The following MYO3A variants were observed in gnomAD, a reference collection of about 807,000 sequenced individuals.
MYO3A encodes myosin IIIA.
Under a neutral mutation model 192.7 loss-of-function variants are expected in MYO3A, and 180 were observed. The ratio of observed to expected loss-of-function variants is 0.93; its 90% confidence interval spans 0.83 to 1.06. The LOEUF is 1.06. Among genes scored for constraint, MYO3A ranks in the 50% least tolerant of loss-of-function variants. The pLI is 0.00. For synonymous variants in MYO3A, 628 were observed against 645.3 expected (o/e 0.97, Z 0.41); for missense variants, 1,896 against 1,905.0 (o/e 1.00, Z 0.09).
At chr10:26,197,610 C>A (rs1296437018) in intron 32 of MYO3A, among the ~76,000 whole-genome samples, 1 of 152,204 alleles carries the variant, frequency 6.6e-6, no homozygotes, top group East Asian at 1.9e-4. Context: ...GTTGCCCAGG[C>A]TGGAATGCAG....
At chr10:26,172,175 A>T (rs563805249) in intron 29 of MYO3A, among the ~76,000 whole-genome samples, 78 of 152,322 alleles carry the variant, frequency 5.1e-4, no homozygotes, top group African/African-American at 1.8e-3. Context: ...ACTGCCAGAG[A>T]TCTGCGGGCC....
chr10:26,098,090 C>T (rs1837168725), intron 17 of MYO3A, among the ~76,000 whole-genome samples: 1 of 152,144 alleles, frequency 6.6e-6, no homozygotes, highest in African/African-American at 2.4e-5. Context: ...TGTTTCCTGA[C>T]TTTTTAATGA....
chr10:25,942,790 GT>G (rs36039788), intron 2 of MYO3A, among the ~76,000 whole-genome samples: 30,176 of 145,298 alleles, frequency 0.21, 3,852 homozygotes, highest in African/African-American at 0.38. Flanking sequence ...TTTTAATTGG[GT>G]TTTTTTTTTT....
chr10:26,004,400 G>A (rs1469546146), intron 6 of MYO3A, among the ~76,000 whole-genome samples: 3 of 151,786 alleles, frequency 2.0e-5, no homozygotes, highest in Non-Finnish European at 2.9e-5. Flanking sequence ...AGGTATCAAT[G>A]TGAACTCACC....
chr10:26,204,857 A>G (rs1843837595), intron 34 of MYO3A, among the ~76,000 whole-genome samples: 1 of 152,256 alleles, frequency 6.6e-6, no homozygotes, highest in South Asian at 2.1e-4. Context: ...GGTAACTCAG[A>G]TAAGGTTTTT....
rs576005189 is a variant in MYO3A, at chr10:26,015,306, GATTATGT to G, written c.509-1512_509-1506del. Among the ~76,000 whole-genome samples, 8 of 152,136 alleles carry G rather than the reference GATTATGT, an allele frequency of 5.3e-5. No homozygotes were observed. In the South Asian group the frequency reaches 1.7e-3, roughly 32 times the overall value. ...CCATCAGCAGCTTCTCTCTTGAGATGATTATGTAACTGTTTATCTTGGTGACTTATTC... is the reference window on the plus strand; with the variant it reads ...CCATCAGCAGCTTCTCTCTTGAGATGAACTGTTTATCTTGGTGACTTATTC... On this transcript the variant is annotated intron_variant, in intron 6 of 34. Coordinates refer to ENST00000642920, the MANE Select transcript of MYO3A (RefSeq NM_017433.5).
At chr10:25,939,608 G>GT (rs200076860) in intron 2 of MYO3A, among the ~76,000 whole-genome samples, 2,163 of 149,790 alleles carry the variant, frequency 0.014, 37 homozygotes, top group African/African-American at 0.039. Flanking sequence ...TTGTATAGTT[G>GT]TTTTTTTTTA....
At chr10:26,085,207 A>G (rs1836232558) in intron 14 of MYO3A, among the ~76,000 whole-genome samples, 1 of 151,550 alleles carries the variant, frequency 6.6e-6, no homozygotes, top group South Asian at 2.1e-4. Context: ...AATGAAACTC[A>G]TTTTATTGAT....
At chr10:26,130,650 C>T (rs1185213565) in intron 20 of MYO3A, among the ~76,000 whole-genome samples, 1 of 152,188 alleles carries the variant, frequency 6.6e-6, no homozygotes, top group Non-Finnish European at 1.5e-5. Context: ...CAGGTGCCTT[C>T]CTAGAATAAC....
rs142086968 is a variant in MYO3A, at chr10:25,974,522, G to A, written c.303+19514G>A. On this transcript the variant is annotated intron_variant, in intron 4 of 34. Transcript: ENST00000642920. ...TCTTATGACCTGCCTCTCCCTCTGG[G>A]CCAACTCTCTGAGCCACTGTTCAGG... 6.0e-4 allele frequency among the ~76,000 whole-genome samples: 91 copies of A among 152,234 alleles called. 1 individual carries two copies. Among genetic ancestry groups the A allele is most frequent in the African/African-American group, 2.2e-3 (91 of 41,532 alleles).
chr10:26,212,351 A>AT lies in MYO3A; in HGVS notation c.*399dup, dbSNP rs558895234. 0.042 allele frequency: 13,416 copies of AT among 322,092 alleles called. 111 individuals are homozygous for AT. Among genetic ancestry groups the AT allele is most frequent in the Admixed American group, 0.096 (1,959 of 20,402 alleles). The allele number at this position is 322,092 out of a possible 1,614,324, so 20.0% of individuals were successfully genotyped here. On this transcript the variant is annotated 3_prime_UTR_variant, in exon 35 of 35. Coordinates refer to ENST00000642920, the MANE Select transcript of MYO3A (RefSeq NM_017433.5). ...TCATTTGGGGTGACTGAATTCACAG[A>AT]TTTTTTTTTTTATTGGAAACGGCTT...
intron 25 of MYO3A, among the ~76,000 whole-genome samples, chr10:26,156,396 G>A (rs1402717985): frequency 6.6e-6 from 1 of 152,182 alleles, no homozygotes; most frequent in East Asian, 1.9e-4. Context: ...TGGTCTTTGA[G>A]ATACTCGCTT....
In MYO3A at chr10:26,211,905, A is replaced by T; in HGVS notation, c.4793A>T (p.Asp1598Val). The T allele has an allele frequency of 6.2e-7, 1 of 1,613,788 alleles. No homozygotes were observed. Among genetic ancestry groups the T allele is most frequent in the Non-Finnish European group, 8.5e-7 (1 of 1,179,946 alleles). The change falls in exon 35 of 35, where the codon GAC becomes GTC. Residue 1598 changes from aspartate (D) to valine (V), a missense_variant. Coordinates refer to ENST00000642920, the MANE Select transcript of MYO3A (RefSeq NM_017433.5). ...AGAGAGCCAGCAGCCAACCCCTACG[A>T]CTTCAGGAGGCTCCTGCGCAAAACC... Reference protein sequence around the residue: ...EEREPAANPYDFRRLLRKTSQ... With the variant: ...EEREPAANPYVFRRLLRKTSQ...
intron 24 of MYO3A, 97 bp downstream of exon 24, chr10:26,154,026 A>C: frequency 1.1e-6 from 1 of 898,466 alleles, no homozygotes; most frequent in Non-Finnish European, 1.8e-6. Flanking sequence ...TTTTTTTCTT[A>C]GTTTTTCTCC....
At chr10:26,134,128 A>G (rs1233606649) in intron 20 of MYO3A, among the ~76,000 whole-genome samples, 1 of 152,196 alleles carries the variant, frequency 6.6e-6, no homozygotes, top group Non-Finnish European at 1.5e-5. Flanking sequence ...ATGCATTAGT[A>G]TATATATTTT....
At position 26,021,570 on chromosome 10, in the gene MYO3A, T is replaced by G. The variant is rs1235280812; in HGVS notation, c.653T>G (p.Ile218Ser). The change falls in exon 8 of 35, where the codon ATC (isoleucine) becomes AGC (serine). Residue 218 changes from isoleucine to serine, a missense_variant. Coordinates refer to ENST00000642920, the MANE Select transcript of MYO3A (RefSeq NM_017433.5). ...DARCDTWSLG[I>S]TAIELGDGDP... ...AGATGTGACACTTGGTCCCTGGGTA[T>G]CACGGCCATTGAGCTGGGTGATGGA... The G allele has an allele frequency of 1.9e-6, 3 of 1,614,128 alleles. No homozygotes were observed. The South Asian group carries it at 3.3e-5, about 18-fold the overall frequency.
chr10:26,068,238 G>A (rs144428801), intron 11 of MYO3A, among the ~76,000 whole-genome samples: 250 of 152,072 alleles, frequency 1.6e-3, no homozygotes, highest in African/African-American at 5.9e-3. Flanking sequence ...ACTGTAAATG[G>A]TGGTTTCCGA....
intron 7 of MYO3A, 52 bp from the exon 8 acceptor site, chr10:26,021,451 A>G: frequency 6.3e-7 from 1 of 1,584,414 alleles, no homozygotes; most frequent in Non-Finnish European, 8.7e-7. Flanking sequence ...ATTTTATTAC[A>G]TGCTTGTTAA....
rs184755496 is a variant in MYO3A at position 26,086,767 on chromosome 10, G to A, written c.1360-1436G>A. Among the ~76,000 whole-genome samples the A allele has an allele frequency of 2.5e-3, 381 of 152,204 alleles. 2 individuals carry two copies. The highest frequency in any genetic ancestry group is 8.6e-3 in the African/African-American group (356 of 41,518). On this transcript the variant is annotated intron_variant, in intron 14 of 34. Transcript: ENST00000642920. ...TGAGATAAGATTTAATGTGGGGCAC[G>A]GGGGCAGTGAGGCACAGCATATTAT...
Sources: allele counts gnomAD v4.1 joint callset (sites outside exome capture counted in the v4.1 genomes callset), GRCh38; gene constraint gnomAD v4.1.1; transcripts MANE v1.5; gene names NCBI Gene and HGNC (gene_info 2026-07-23, HGNC 2026-07-21).